Variants in CLN3 observed in about 807,000 individuals in gnomAD.
CLN3 encodes the protein CLN3 lysosomal/endosomal transmembrane protein, battenin.
In CLN3, 49 loss-of-function variants were observed where a neutral mutation model predicts 60.7. The observed-to-expected ratio is 0.81, with a 90% CI of 0.64 to 1.02. The LOEUF (loss-of-function observed/expected upper bound fraction) is 1.02. CLN3 is among the 50% of genes least tolerant of loss of function. CLN3 has a pLI of 0.00. For missense variants in CLN3, 516 were observed against 557.4 expected (o/e 0.93, Z 0.75); for synonymous variants, 256 against 245.8 (o/e 1.04, Z -0.39).
downstream of CLN3, chr16:28,476,807 C>A (rs1662016945): frequency 6.5e-6 from 1 of 153,318 alleles, no homozygotes; most frequent in South Asian, 2.1e-4. Flanking sequence ...TTGTCCCAAA[C>A]AATGAATGCA....
chr16:28,486,458 C>G lies in CLN3; in HGVS notation c.566G>C (p.Gly189Ala), dbSNP rs1490656498. 4 of 1,613,222 alleles carry G rather than the reference C, an allele frequency of 2.5e-6. No homozygotes were observed. The highest frequency in any genetic ancestry group is 3.4e-6 in the Non-Finnish European group (4 of 1,179,808). The change falls in exon 9 of 16, where the codon GGG (glycine) becomes GCG (alanine). Residue 189 changes from glycine to alanine, a missense_variant. By Grantham distance (60) the Gly-to-Ala change is moderately conservative (BLOSUM62 0). Transcript: ENST00000636147. ...CAGGGCCCCCAGCAGCCCAGCTCCC[C>G]CAGTCCCTGAGGACCACCAGGAGAT... ...AVISWWSSGT[G>A]GAGLLGALSY...
At chr16:28,479,781 A>C in intron 14 of CLN3, 1 of 211,548 alleles carries the variant, frequency 4.7e-6, no homozygotes, top group Non-Finnish European at 1.0e-5. Context: ...AAAACAAAAC[A>C]AAACAAAAAA....
At chr16:28,484,176 G>T in intron 9 of CLN3, 58 bp from the exon 10 acceptor site, 2 of 1,270,496 alleles carry the variant, frequency 1.6e-6, no homozygotes, top group South Asian at 1.3e-5. Context: ...GGTCCCCAGG[G>T]ACCATCTAGG....
At chr16:28,475,920 C>G (rs1215003798), downstream of CLN3, 1 of 147,800 alleles carries the variant, frequency 6.8e-6, no homozygotes, top group African/African-American at 2.5e-5. Flanking sequence ...GAGTCTTGCT[C>G]TGTTGCCCAG....
chr16:28,481,931 A>G (rs2046101951), intron 14 of CLN3, among the ~76,000 whole-genome samples, 174 bp downstream of exon 14: 1 of 151,528 alleles, frequency 6.6e-6, no homozygotes, highest in Non-Finnish European at 1.5e-5. Context: ...AGGTTGCAGT[A>G]AGCCAAGATT....
chr16:28,490,781 G>T (rs1041308669), intron 3 of CLN3, among the ~76,000 whole-genome samples: 1 of 138,840 alleles, frequency 7.2e-6, no homozygotes, highest in Non-Finnish European at 1.6e-5. Context: ...AAAAAAAAAA[G>T]GTTCAGGCCC....
rs556729904 is a variant in CLN3, at chr16:28,491,404, A to G, written c.125+78T>C. 270 of 1,558,600 alleles carry G rather than the reference A, an allele frequency of 1.7e-4. No individual in the cohort carries two copies. The African/African-American group carries it at 3.3e-3, about 19-fold the overall frequency. On this transcript the variant is annotated intron_variant, in intron 3 of 15. Coordinates refer to ENST00000636147, the MANE Select transcript of CLN3 (RefSeq NM_001042432.2). ...GGGTTCAGCTCCTTTGCGCAGCTTA[A>G]CTCTTTCTTCCCCCTTTCCTCCGGT... is the stretch of plus-strand genomic sequence containing the variant.
At chr16:28,468,719 A>G in the CLN3 span, among the ~76,000 whole-genome samples, 2 of 133,286 alleles carry the variant, frequency 1.5e-5, no homozygotes, top group Non-Finnish European at 3.4e-5. Context: ...AGGCAGAAGA[A>G]TCACTTGAAC....
intron 5 of CLN3, chr16:28,488,009 ATAT>A (rs1365781282): frequency 1.8e-5 from 8 of 447,376 alleles, no homozygotes. Context: ...AAATGAGCTA[ATAT>A]ATGGTGCAGA....
chr16:28,489,182 G>T, intron 4 of CLN3, 108 bp downstream of exon 4: 1 of 847,466 alleles, frequency 1.2e-6, no homozygotes, highest in Non-Finnish European at 2.0e-6. Flanking sequence ...GATTACAGGT[G>T]TGAGCCACTG....
chr16:28,485,564 T>A (rs1374165222), intron 9 of CLN3, among the ~76,000 whole-genome samples: 10 of 80,448 alleles, frequency 1.2e-4, no homozygotes, highest in Middle Eastern at 0.015. Flanking sequence ...ACCATGAGAC[T>A]CCGTCTCAAA....
intron 2 of CLN3, 21 bp downstream of exon 2, chr16:28,491,693 A>G (rs2046318140): frequency 6.2e-7 from 1 of 1,614,038 alleles, no homozygotes; most frequent in Non-Finnish European, 8.5e-7. Flanking sequence ...TCGTTCCATG[A>G]GGGTGGGCGG....
the CLN3 span, among the ~76,000 whole-genome samples, chr16:28,467,328 G>A: frequency 3.3e-5 from 2 of 60,062 alleles, no homozygotes. Flanking sequence ...GTGCAATCTC[G>A]GCTCACTGCA....
chr16:28,489,276 A>G lies in CLN3; in HGVS notation c.222+14T>C. The G allele has an allele frequency of 1.3e-6, 2 of 1,586,140 alleles. No homozygotes were observed. The highest frequency in any genetic ancestry group is 1.7e-6 in the Non-Finnish European group (2 of 1,156,692). ...AGGGACTAACCATGGTGGTGGTGGT[A>G]GAGAGTCACTTACATGGCTCTGGTT... On this transcript the variant is annotated intron_variant, in intron 4 of 15. Transcript: ENST00000636147.
At chr16:28,472,252 A>T (rs918940502), downstream of CLN3, among the ~76,000 whole-genome samples, 3 of 152,062 alleles carry the variant, frequency 2.0e-5, no homozygotes, top group African/African-American at 7.2e-5. Flanking sequence ...GTCTCTACCA[A>T]AAAAATGTAC....
chr16:28,469,327 G>A (rs2045925335), downstream of CLN3, among the ~76,000 whole-genome samples: 1 of 112,946 alleles, frequency 8.9e-6, no homozygotes, highest in Admixed American at 9.9e-5. Flanking sequence ...GGCTGGGCAC[G>A]GTGGTTCACG....
chr16:28,472,230 T>C (rs1275763701), downstream of CLN3, among the ~76,000 whole-genome samples: 2 of 151,728 alleles, frequency 1.3e-5, no homozygotes, highest in East Asian at 3.9e-4. Flanking sequence ...CTGGGCAACA[T>C]AGTGAGACAC....
chr16:28,489,427 G>C lies in CLN3; in HGVS notation c.126-41C>G, dbSNP rs142255700. Reference sequence around the variant, plus strand: ...CAGGTCTCAACTCCCTCCTCATCCTGCAGCCATCTGTAGCCTTTGTGCCAA... The same window carrying C: ...CAGGTCTCAACTCCCTCCTCATCCTCCAGCCATCTGTAGCCTTTGTGCCAA... On this transcript the variant is annotated intron_variant, in intron 3 of 15. Coordinates refer to ENST00000636147, the MANE Select transcript of CLN3 (RefSeq NM_001042432.2). The C allele has an allele frequency of 2.1e-6, 3 of 1,422,102 alleles. No individual in the cohort carries two copies. The African/African-American group carries it at 4.2e-5, about 20-fold the overall frequency. The allele number at this position is 1,422,102 out of a possible 1,614,324, so 88.1% of individuals were successfully genotyped here.
At chr16:28,491,900 C>T (rs1035560645) in intron 1 of CLN3, 65 bp from the exon 2 acceptor site, 68 of 1,106,184 alleles carry the variant, frequency 6.1e-5, no homozygotes, top group Middle Eastern at 2.8e-4. Flanking sequence ...CTAGGGCACT[C>T]GCGCCCCGCG....
Sources: allele counts gnomAD v4.1 joint callset (sites outside exome capture counted in the v4.1 genomes callset), GRCh38; gene constraint gnomAD v4.1.1; transcripts MANE v1.5; gene names NCBI Gene and HGNC (gene_info 2026-07-23, HGNC 2026-07-21).